Variants in WTAP observed in about 807,000 individuals in gnomAD.
The protein encoded by WTAP is pre-mRNA-splicing regulator WTAP.
Under a neutral mutation model 50.0 loss-of-function variants are expected in WTAP, and 8 were observed. That is an observed-to-expected ratio of 0.16 (90% CI 0.09 to 0.29). WTAP has a LOEUF of 0.29. WTAP is among the 10% of genes least tolerant of loss of function. WTAP has a pLI of 1.00. For missense variants in WTAP, 295 were observed against 470.7 expected, an observed-to-expected ratio of 0.63 and a Z score of 3.45; for synonymous variants, 194 against 169.0, an observed-to-expected ratio of 1.15 and a Z score of -1.15.
chr6:159,746,137 T>G (rs1160628882), intron 5 of WTAP, among the ~76,000 whole-genome samples: 8 of 152,186 alleles, frequency 5.3e-5, no homozygotes, highest in Non-Finnish European at 1.0e-4. Flanking sequence ...AATTTAAAAT[T>G]GTTCGTTAGA....
At chr6:159,730,644 T>G (rs1456882916) in intron 1 of WTAP, among the ~76,000 whole-genome samples, 2 of 152,246 alleles carry the variant, frequency 1.3e-5, no homozygotes, top group African/African-American at 2.4e-5. Flanking sequence ...AAGGAAAGAT[T>G]TACTTTTCAT....
chr6:159,742,278 T>C, intron 4 of WTAP, 132 bp downstream of exon 4: 1 of 665,214 alleles, frequency 1.5e-6, no homozygotes. Context: ...ACATAGGCAC[T>C]GTGTTGGGTG....
At chr6:159,727,765 C>G (rs965154088) in intron 1 of WTAP, 62 bp downstream of exon 1, 10 of 970,356 alleles carry the variant, frequency 1.0e-5, no homozygotes, top group Non-Finnish European at 1.2e-5. Flanking sequence ...AGGGCTGATG[C>G]GCAGCCGCCC....
rs934688828 is a variant in WTAP at position 159,756,234 on chromosome 6, C to T, written c.*623C>T. 1 of 152,736 alleles carries T rather than the reference C, an allele frequency of 6.5e-6. No homozygotes were observed. Among genetic ancestry groups the T allele is most frequent in the Non-Finnish European group, 1.5e-5 (1 of 68,192 alleles). The allele number at this position is 152,736 out of a possible 1,614,324, so 9.5% of individuals were successfully genotyped here. A position where few individuals can be genotyped will look rare whatever the true frequency, so the allele number is the denominator to read the frequency against. On this transcript the variant is annotated 3_prime_UTR_variant, in exon 8 of 8. Coordinates refer to ENST00000621533, the MANE Select transcript of WTAP (RefSeq NM_001270531.2). ...CTCAGTTTTTATGAACTGTTGTATCCTGTTAATGCATATTGCTCTGTGACT... is the reference window on the plus strand; with the variant it reads ...CTCAGTTTTTATGAACTGTTGTATCTTGTTAATGCATATTGCTCTGTGACT...
chr6:159,736,367 A>G lies in WTAP; in HGVS notation c.30+72A>G, dbSNP rs948119360. On this transcript the variant is annotated intron_variant, in intron 2 of 7. Transcript: ENST00000621533. Reference sequence around the variant, plus strand: ...GGGGGCTTTTTTAAGCACTTTAAAAAAAAATAGACTTGAAGGGATTATCGT... The same window carrying G: ...GGGGGCTTTTTTAAGCACTTTAAAAGAAAATAGACTTGAAGGGATTATCGT... 2.1e-4 allele frequency: 248 copies of G among 1,201,792 alleles called. 2 individuals are homozygous for G. The highest frequency in any genetic ancestry group is 2.7e-5 in the Non-Finnish European group (22 of 826,868). The allele number at this position is 1,201,792 out of a possible 1,614,324, so 74.4% of individuals were successfully genotyped here. A position where few individuals can be genotyped will look rare whatever the true frequency, so the allele number is the denominator to read the frequency against.
At chr6:159,736,921 A>G (rs931434359) in intron 2 of WTAP, among the ~76,000 whole-genome samples, 1 of 152,232 alleles carries the variant, frequency 6.6e-6, no homozygotes, top group Non-Finnish European at 1.5e-5. Flanking sequence ...ACTAAACTTA[A>G]TATTTAAGTG....
chr6:159,755,068 G>A lies in WTAP; in HGVS notation c.648G>A (p.Glu216=), dbSNP rs1779953388. The change falls in exon 8 of 8, where the codon GAG becomes GAA. Residue 216 remains glutamate, a synonymous_variant. Transcript: ENST00000621533. ...TCATCCAGCTTGATGAAGAAGTAGA[G>A]GGTATGCAGAGTACCATTCTAGTTC... The part of the protein sequence containing the change: ...DFIIQLDEEV[E]GMQSTILVLQ... 1 of 1,614,056 alleles carries A rather than the reference G, an allele frequency of 6.2e-7. No homozygotes were observed.
At chr6:159,746,749 A>G (rs138686774) in intron 5 of WTAP, among the ~76,000 whole-genome samples, 2 of 152,176 alleles carry the variant, frequency 1.3e-5, no homozygotes, top group African/African-American at 4.8e-5. Flanking sequence ...TCTTTTGCCA[A>G]TCAACTCAAA....
intron 7 of WTAP, among the ~76,000 whole-genome samples, chr6:159,754,686 TTTTACTGTATTGTTTGGGGG>T (rs1255007024): frequency 3.3e-5 from 5 of 152,302 alleles, no homozygotes; most frequent in Non-Finnish European, 7.4e-5. Flanking sequence ...AAAATAGTTA[TTTTACTGTATTGTTTGGGGG>T]ATAATGACAA....
In WTAP at chr6:159,750,854, A is replaced by G. The variant is rs1779794274; in HGVS notation, c.452+2485A>G. ...AATGGCTCAGGCAATCCCGTCTGGAATATTTCCAGTGGTGGAATGGGTTTT... is the reference window on the plus strand; with the variant it reads ...AATGGCTCAGGCAATCCCGTCTGGAGTATTTCCAGTGGTGGAATGGGTTTT... On this transcript the variant is annotated intron_variant, in intron 6 of 7. Coordinates refer to ENST00000621533, the MANE Select transcript of WTAP (RefSeq NM_001270531.2). Among the ~76,000 whole-genome samples, 4 of 152,170 alleles carry G rather than the reference A, an allele frequency of 2.6e-5. No homozygotes were observed. In the South Asian group the frequency reaches 8.3e-4, roughly 31 times the overall value.
chr6:159,736,075 CTG>C (rs1357503250), intron 1 of WTAP, among the ~76,000 whole-genome samples, 181 bp from the exon 2 acceptor site: 3 of 152,128 alleles, frequency 2.0e-5, no homozygotes, highest in Admixed American at 6.5e-5. Flanking sequence ...TATAGGAACT[CTG>C]TAATATCTTT....
chr6:159,727,463 G>A (rs987990774), upstream of WTAP: 40 of 1,000,000 alleles, frequency 4.0e-5, no homozygotes, highest in African/African-American at 5.7e-4. Context: ...GGGCGGAGCG[G>A]AGCCGTGCGG....
intron 1 of WTAP, among the ~76,000 whole-genome samples, chr6:159,733,455 A>C (rs1778711869): frequency 1.6e-5 from 1 of 61,666 alleles, no homozygotes; most frequent in African/African-American, 5.3e-5. Flanking sequence ...TGTCTCTACC[A>C]AAAAAAATTA....
At position 159,728,335 on chromosome 6, in the gene WTAP, A is replaced by T. The variant is rs932247603; in HGVS notation, c.-9+632A>T. On this transcript the variant is annotated intron_variant, in intron 1 of 7. Transcript: ENST00000621533. ...TGGAAAAGCCCGAGTTCTTGTTTTG[A>T]TAAGAAAGTCACTTGGTTGTTTGAT... Among the ~76,000 whole-genome samples, 7 of 152,208 alleles carry T rather than the reference A, an allele frequency of 4.6e-5. No individual in the cohort carries two copies. The South Asian group carries it at 1.2e-3, about 27-fold the overall frequency.
intron 3 of WTAP, among the ~76,000 whole-genome samples, chr6:159,740,098 G>A (rs537481884): frequency 6.6e-6 from 1 of 151,866 alleles, no homozygotes; most frequent in East Asian, 1.9e-4. Context: ...TCTCACCTTG[G>A]CCTCCCAAAG....
chr6:159,727,266 C>T (rs1485086600), upstream of WTAP: 3 of 1,283,272 alleles, frequency 2.3e-6, no homozygotes, highest in East Asian at 1.2e-4. Context: ...CTCCCTTCAC[C>T]TTTCCTCTCC....
In WTAP at chr6:159,734,993, C is replaced by T. The variant is rs76282538; in HGVS notation, c.-8-1265C>T. The stretch of plus-strand genomic sequence containing the variant: ...AAAAAACAGCATAATAAAGTGTTCC[C>T]TACTTGAATTCATTAACCTATCTTT... On this transcript the variant is annotated intron_variant, in intron 1 of 7. Coordinates refer to ENST00000621533, the MANE Select transcript of WTAP (RefSeq NM_001270531.2). Among the ~76,000 whole-genome samples the T allele has an allele frequency of 5.2e-3, 789 of 152,200 alleles. 5 individuals carry two copies. The highest frequency in any genetic ancestry group is 0.018 in the African/African-American group (747 of 41,516).
At chr6:159,739,183 A>G in intron 3 of WTAP, 138 bp downstream of exon 3, 1 of 633,480 alleles carries the variant, frequency 1.6e-6, no homozygotes, top group South Asian at 2.8e-5. Context: ...TTTTGAGCAT[A>G]CTATGACCTA....
Position 159,748,059 on chromosome 6 carries a change from G to A in WTAP, c.274-132G>A. On this transcript the variant is annotated intron_variant, in intron 5 of 7. Transcript: ENST00000621533. The surrounding 1 kb of genome is among the most constrained non-coding windows in gnomAD (Gnocchi z 5.6). ...TAGAAAGTTTTAAGATTTTTCTAGA[G>A]AATTTCAGGATCAAAGAGGGGAGGA... is the stretch of plus-strand genomic sequence containing the variant. 1 of 1,177,228 alleles carries A rather than the reference G, an allele frequency of 8.5e-7. No homozygotes were observed. Among genetic ancestry groups the A allele is most frequent in the Non-Finnish European group, 1.2e-6 (1 of 850,730 alleles). 72.9% of individuals were successfully genotyped at this position (1,177,228 alleles called of 1,614,324 possible).
Sources: gnomAD v4.1 joint callset for allele counts (sites outside exome capture counted in the v4.1 genomes callset) on GRCh38, gnomAD v4.1.1 for gene constraint, Gnocchi (gnomAD v3.1) non-coding constraint, MANE v1.5 for transcripts, NCBI Gene and HGNC (gene_info 2026-07-23, HGNC 2026-07-21) for gene names.